Variants in UNC119B observed in about 807,000 individuals in gnomAD.
The protein encoded by UNC119B is protein unc-119 homolog B.
In UNC119B, 16 loss-of-function variants were observed where a neutral mutation model predicts 23.4. That is an observed-to-expected ratio of 0.68 (90% CI 0.46 to 1.04). UNC119B has a LOEUF of 1.04. Among genes scored for constraint, UNC119B ranks in the 50% least tolerant of loss-of-function variants. The pLI, the probability that UNC119B is intolerant of heterozygous loss-of-function variation, is 0.00. For synonymous variants in UNC119B, 144 were observed against 145.4 expected (o/e 0.99, Z 0.07); for missense variants, 350 against 361.3 (o/e 0.97, Z 0.25).
chr12:120,716,789 A>G (rs1263768049), intron 3 of UNC119B, 50 bp downstream of exon 3: 2 of 1,606,192 alleles, frequency 1.2e-6, no homozygotes, highest in Non-Finnish European at 1.7e-6. Flanking sequence ...GTTCACAGAG[A>G]AGAGTGTTTT....
rs918763613 is a variant in UNC119B at position 120,722,804 on chromosome 12, C to T, written c.*2772C>T. ...TGTTTTAAGAGGTAAAAGGACATAACAAGTGAAAGAAGTTTTGGGCTAAAG... is the reference window on the plus strand; with the variant it reads ...TGTTTTAAGAGGTAAAAGGACATAATAAGTGAAAGAAGTTTTGGGCTAAAG... On this transcript the variant is annotated 3_prime_UTR_variant, in exon 5 of 5. Transcript: ENST00000344651. The T allele has an allele frequency of 1.3e-5, 2 of 152,224 alleles. No homozygotes were observed. Among genetic ancestry groups the T allele is most frequent in the African/African-American group, 2.4e-5 (1 of 41,462 alleles). The allele number at this position is 152,224 out of a possible 1,614,324, so 9.4% of individuals were successfully genotyped here.
rs55906857 is a variant in UNC119B, at chr12:120,715,521, CTTTTTTTTTTTTT to C, written c.359-1090_359-1078del. On this transcript the variant is annotated intron_variant, in intron 2 of 4. Coordinates refer to ENST00000344651, the MANE Select transcript of UNC119B (RefSeq NM_001080533.3). Reference sequence around the variant, plus strand: ...ACATTAGAATGCTTGTTCTCTGATTCTTTTTTTTTTTTTTTTTTTTTTTTTTTTTGAGACGGAG... The same window carrying C: ...ACATTAGAATGCTTGTTCTCTGATTCTTTTTTTTTTTTTTTTGAGACGGAG... 8.1e-4 allele frequency among the ~76,000 whole-genome samples: 58 copies of C among 71,518 alleles called. No homozygotes were observed. In the East Asian group the frequency reaches 0.01, roughly 13 times the overall value. The allele number at this position is 71,518 out of a possible 152,430, so 46.9% of individuals were successfully genotyped here.
At chr12:120,713,717 T>A (rs1882716287) in intron 2 of UNC119B, among the ~76,000 whole-genome samples, 2 of 152,230 alleles carry the variant, frequency 1.3e-5, no homozygotes, top group African/African-American at 4.8e-5. Context: ...GGCTCTTTCC[T>A]AAGGCCCTGT....
At chr12:120,710,825 T>C in intron 1 of UNC119B, 107 bp downstream of exon 1, 1 of 1,125,532 alleles carries the variant, frequency 8.9e-7, no homozygotes, top group East Asian at 3.5e-5. Flanking sequence ...CCAGACCCCC[T>C]CGGCCGGCCG....
chr12:120,718,911 T>C (rs140604541), intron 4 of UNC119B, among the ~76,000 whole-genome samples: 1 of 152,350 alleles, frequency 6.6e-6, no homozygotes, highest in African/African-American at 2.4e-5. Flanking sequence ...CGACAGCATC[T>C]GGTTCTGACT....
At chr12:120,717,069 CTCTAGA>C in intron 4 of UNC119B, 27 bp downstream of exon 4, 1 of 1,533,736 alleles carries the variant, frequency 6.5e-7, no homozygotes, top group Non-Finnish European at 8.8e-7. Context: ...CCTTACAGCA[CTCTAGA>C]TTCTGAGGGC....
intron 2 of UNC119B, among the ~76,000 whole-genome samples, chr12:120,714,811 G>GGTCA (rs1246943352): frequency 1.2e-4 from 19 of 152,066 alleles, no homozygotes; most frequent in Non-Finnish European, 2.5e-4. Flanking sequence ...GTTTCAAGAA[G>GGTCA]GTCAGCTGAA....
At chr12:120,716,200 A>G (rs1319311680) in intron 2 of UNC119B, among the ~76,000 whole-genome samples, 1 of 152,216 alleles carries the variant, frequency 6.6e-6, no homozygotes, top group Admixed American at 6.5e-5. Flanking sequence ...AGAATAGACC[A>G]TGTCAGAGGC....
chr12:120,716,531 C>T (rs919779742), intron 2 of UNC119B, 97 bp from the exon 3 acceptor site: 2 of 1,243,798 alleles, frequency 1.6e-6, no homozygotes, highest in Non-Finnish European at 2.4e-6. Context: ...GGTGTGGTTA[C>T]TGGGATTGGT....
chr12:120,712,890 A>G (rs1882698154), intron 1 of UNC119B, among the ~76,000 whole-genome samples: 1 of 152,252 alleles, frequency 6.6e-6, no homozygotes, highest in South Asian at 2.1e-4. Flanking sequence ...TAACGTTGGC[A>G]AACTAGCACT....
rs376031980 is a variant in UNC119B at position 120,720,099 on chromosome 12, C to G, written c.*67C>G. 25 of 1,247,838 alleles carry G rather than the reference C, an allele frequency of 2.0e-5. 1 individual carries two copies. Among genetic ancestry groups the G allele is most frequent in the East Asian group, 1.9e-4 (8 of 41,936 alleles). 77.3% of individuals were successfully genotyped at this position (1,247,838 alleles called of 1,614,324 possible). On this transcript the variant is annotated 3_prime_UTR_variant, in exon 5 of 5. Transcript: ENST00000344651. ...CAAGATCCTGGCACACGGAGATGAT[C>G]GAAGCTGCAGTTTGTCAACACACAT...
rs773717575 is a variant in UNC119B at position 120,720,053 on chromosome 12, G to A, written c.*21G>A. The A allele has an allele frequency of 1.3e-6, 2 of 1,565,330 alleles. No homozygotes were observed. Among genetic ancestry groups the A allele is most frequent in the Middle Eastern group, 1.7e-4 (1 of 5,970 alleles). ...AGTAAGTGCTGCAAGAGTAGATAGG[G>A]GAGGTGCTTTGCCGCGGCCACAAGA... On this transcript the variant is annotated 3_prime_UTR_variant, in exon 5 of 5. Transcript: ENST00000344651.
rs1882631695 is a variant in UNC119B, at chr12:120,710,468, C to T, written c.-7C>T. The stretch of plus-strand genomic sequence containing the variant: ...GTGGAGGCGGCGGCCATCTTGGCGG[C>T]GGAGCGATGAGCGGGTCTAACCCGA... On this transcript the variant is annotated 5_prime_UTR_variant, in exon 1 of 5. Coordinates refer to ENST00000344651, the MANE Select transcript of UNC119B (RefSeq NM_001080533.3). 4.7e-6 allele frequency: 6 copies of T among 1,287,512 alleles called. No homozygotes were observed. Among genetic ancestry groups the T allele is most frequent in the African/African-American group, 1.5e-5 (1 of 64,726 alleles). The allele number at this position is 1,287,512 out of a possible 1,614,324, so 79.8% of individuals were successfully genotyped here. A position where few individuals can be genotyped will look rare whatever the true frequency, so the allele number is the denominator to read the frequency against.
chr12:120,712,469 A>G (rs1428180329), intron 1 of UNC119B, among the ~76,000 whole-genome samples: 1 of 152,260 alleles, frequency 6.6e-6, no homozygotes, highest in East Asian at 1.9e-4. Flanking sequence ...TGCTGTGATT[A>G]GAATTATTTC....
intron 1 of UNC119B, among the ~76,000 whole-genome samples, chr12:120,712,527 C>A (rs1308048884): frequency 6.6e-6 from 1 of 152,142 alleles, no homozygotes; most frequent in Non-Finnish European, 1.5e-5. Flanking sequence ...TCTTCACCGG[C>A]AGATTTATCC....
chr12:120,713,672 T>C (rs1188824806), intron 2 of UNC119B, among the ~76,000 whole-genome samples: 1 of 152,238 alleles, frequency 6.6e-6, no homozygotes, highest in Non-Finnish European at 1.5e-5. Flanking sequence ...ATCTCTGTTT[T>C]ACAGCGAAGG....
intron 4 of UNC119B, among the ~76,000 whole-genome samples, chr12:120,719,525 G>A (rs955222709): frequency 3.9e-5 from 6 of 152,178 alleles, no homozygotes; most frequent in African/African-American, 1.4e-4. Flanking sequence ...AATGTCTAGA[G>A]GTGGGCCACT....
chr12:120,721,963 G>GT lies in UNC119B; in HGVS notation c.*1932dup. The GT allele has an allele frequency of 6.5e-6, 1 of 152,722 alleles. No individual in the cohort carries two copies. The highest frequency in any genetic ancestry group is 1.9e-4 in the East Asian group (1 of 5,174). The allele number at this position is 152,722 out of a possible 1,614,324, so 9.5% of individuals were successfully genotyped here. A position where few individuals can be genotyped will look rare whatever the true frequency, so the allele number is the denominator to read the frequency against. On this transcript the variant is annotated 3_prime_UTR_variant, in exon 5 of 5. Transcript: ENST00000344651. The stretch of plus-strand genomic sequence containing the variant: ...TGGGATTTGCATGTTCCTGTCAAGC[G>GT]TAACAACAATCCCTTCTCTCTTTGA...
intron 2 of UNC119B, 139 bp downstream of exon 2, chr12:120,713,526 T>A: frequency 1.6e-6 from 1 of 640,306 alleles, no homozygotes; most frequent in Non-Finnish European, 2.7e-6. Flanking sequence ...TGGCCTGGTC[T>A]GCCAGGCATG....
Sources: gnomAD v4.1 joint callset for allele counts (sites outside exome capture counted in the v4.1 genomes callset) on GRCh38, gnomAD v4.1.1 for gene constraint, MANE v1.5 for transcripts, NCBI Gene and HGNC (gene_info 2026-07-23, HGNC 2026-07-21) for gene names.